The following ABCC12 variants were observed in gnomAD, a reference collection of about 807,000 sequenced individuals.
ABCC12 encodes the protein ATP binding cassette subfamily C member 12.
Under a neutral mutation model 151.1 loss-of-function variants are expected in ABCC12, and 142 were observed. The ratio of observed to expected loss-of-function variants is 0.94; its 90% CI spans 0.82 to 1.08. The LOEUF is 1.08. ABCC12 is among the 50% of genes least tolerant of loss of function. The probability of loss-of-function intolerance (pLI) is 0.00; values close to 1 mark genes in which losing one functional copy is unlikely to be tolerated. For missense variants in ABCC12, 1,638 were observed against 1,691.1 expected, an observed-to-expected ratio of 0.97 and a Z score of 0.55; for synonymous variants, 645 against 646.4, an observed-to-expected ratio of 1.00 and a Z score of 0.03.
chr16:48,087,193 A>G (rs117765722), intron 27 of ABCC12: 2,868 of 203,382 alleles, frequency 0.014, 29 homozygotes, highest in Non-Finnish European at 0.02. Context: ...GAGCAACCCA[A>G]ATCTGCCACT....
At chr16:48,150,012 A>C (rs780307069) in intron 2 of ABCC12, among the ~76,000 whole-genome samples, 15 of 152,246 alleles carry the variant, frequency 9.9e-5, no homozygotes, top group Admixed American at 7.2e-4. Context: ...CTAATTTTTA[A>C]AGCAATTTGG....
At chr16:48,122,661 G>A (rs1288164414) in intron 12 of ABCC12, among the ~76,000 whole-genome samples, 2 of 152,188 alleles carry the variant, frequency 1.3e-5, no homozygotes, top group Non-Finnish European at 2.9e-5. Context: ...GGCGGCCGAA[G>A]GATGTGATGC....
chr16:48,107,272 T>G, intron 20 of ABCC12, 50 bp downstream of exon 20: 1 of 1,558,934 alleles, frequency 6.4e-7, no homozygotes, highest in Non-Finnish European at 8.8e-7. Flanking sequence ...CAGCAGAGTT[T>G]TACTCCAAGA....
intron 15 of ABCC12, 127 bp downstream of exon 15, chr16:48,115,288 T>A: frequency 8.9e-7 from 1 of 1,129,736 alleles, no homozygotes; most frequent in South Asian, 1.5e-5. Flanking sequence ...GTCTCTTGCA[T>A]CCCTGGCTCC....
intron 18 of ABCC12, among the ~76,000 whole-genome samples, chr16:48,110,602 G>A (rs1442829578): frequency 6.6e-6 from 1 of 152,014 alleles, no homozygotes; most frequent in East Asian, 1.9e-4. Context: ...GCCCCCACCA[G>A]GCTCATCTTC....
At chr16:48,104,487 G>T in intron 21 of ABCC12, 119 bp from the exon 22 acceptor site, 2 of 823,054 alleles carry the variant, frequency 2.4e-6, no homozygotes, top group Non-Finnish European at 3.9e-6. Flanking sequence ...GCACAACACA[G>T]TGTGTCAGGT....
chr16:48,121,475 T>G (rs940309388), intron 13 of ABCC12: 1 of 453,372 alleles, frequency 2.2e-6, no homozygotes, highest in Non-Finnish European at 4.0e-6. Flanking sequence ...TCCTCTGCCC[T>G]GGGAATGAAG....
At chr16:48,138,832 G>A (rs905540571) in intron 7 of ABCC12, among the ~76,000 whole-genome samples, 2 of 151,950 alleles carry the variant, frequency 1.3e-5, no homozygotes, top group Admixed American at 1.3e-4. Flanking sequence ...GCCAGGTACA[G>A]TGGCATGCAC....
Position 48,091,180 on chromosome 16 carries a change from T to TCG in ABCC12, c.3223_3224dup (p.Thr1076GlufsTer53). 1 of 1,614,160 alleles carries TCG rather than the reference T, an allele frequency of 6.2e-7. No homozygotes were observed. The highest frequency in any genetic ancestry group is 2.2e-5 in the East Asian group (1 of 44,882). ...ATTTGGCTTGCGTCTCTGTTCCCGTTCGCACACACACTTGGAGCAGTCCGC... is the reference window on the plus strand; with the variant it reads ...ATTTGGCTTGCGTCTCTGTTCCCGTTCGCGCACACACACTTGGAGCAGTCCGC... On this transcript the variant is annotated frameshift_variant, in exon 25 of 31. Transcript: ENST00000311303. LOFTEE classifies it high-confidence loss of function.
chr16:48,150,715 T>C (rs1965106086), intron 2 of ABCC12, among the ~76,000 whole-genome samples: 1 of 152,198 alleles, frequency 6.6e-6, no homozygotes, highest in Non-Finnish European at 1.5e-5. Context: ...TATTAGGATG[T>C]TGTTGCTTCT....
rs373349607 is a variant in ABCC12 at position 48,139,344 on chromosome 16, G to T, written c.658-8C>A. ...TGACAGTATATTGAGCACCTGGAAA[G>T]AAAAGCGCAAAGGTTCAGGCTTTGG... On this transcript the variant is annotated splice_polypyrimidine_tract_variant and splice_region_variant and intron_variant, in intron 6 of 30. Transcript: ENST00000311303. 4.0e-5 allele frequency: 64 copies of T among 1,595,388 alleles called. No individual in the cohort carries two copies. The Middle Eastern group carries it at 5.1e-4, about 13-fold the overall frequency.
chr16:48,121,687 G>A (rs753148776), intron 13 of ABCC12, 29 bp downstream of exon 13: 1 of 1,613,342 alleles, frequency 6.2e-7, no homozygotes, highest in South Asian at 1.1e-5. Flanking sequence ...AAACACAAAT[G>A]TGCCTCCTGC....
At chr16:48,126,947 G>A (rs1392936167) in intron 11 of ABCC12, among the ~76,000 whole-genome samples, 1 of 152,148 alleles carries the variant, frequency 6.6e-6, no homozygotes, top group African/African-American at 2.4e-5. Flanking sequence ...AGTTCACGGA[G>A]GCCTCTTGGA....
intron 29 of ABCC12, among the ~76,000 whole-genome samples, chr16:48,084,456 A>G (rs73540845): frequency 0.044 from 6,671 of 152,304 alleles, 523 homozygotes; most frequent in African/African-American, 0.15. Flanking sequence ...CATACCAAAC[A>G]ATCACAAACT....
rs1964718933 is a variant in ABCC12 at position 48,139,218 on chromosome 16, A to G, written c.776T>C (p.Leu259Pro). 6.2e-7 allele frequency: 1 copy of G among 1,614,000 alleles called. No homozygotes were observed. The highest frequency in any genetic ancestry group is 1.1e-5 in the South Asian group (1 of 91,060). ...VFCAAYAFFI[L>P]GPTALIGISV... is the part of the protein sequence containing the mutation. ...TATCCCGATGAGAGCTGTGGGCCCC[A>G]GAATGAAAAAGGCGTACGCCGCACA... Residue 259 changes from leucine to proline, a missense_variant, in exon 7 of 31, where the codon CTG becomes CCG. Physicochemically the swap from Leu to Pro is moderately conservative, Grantham distance 98. Coordinates refer to ENST00000311303, the MANE Select transcript of ABCC12 (RefSeq NM_001393797.1).
At position 48,121,786 on chromosome 16, in the gene ABCC12, G is replaced by A. The variant is rs775868154; in HGVS notation, c.1642C>T (p.Gln548Ter). 2 of 1,614,184 alleles carry A rather than the reference G, an allele frequency of 1.2e-6. No individual in the cohort carries two copies. The highest frequency in any genetic ancestry group is 1.7e-6 in the Non-Finnish European group (2 of 1,180,026). Residue 548 changes from glutamine (Q) to a stop codon, truncating the protein, a stop_gained, in exon 13 of 31, where the codon CAG (glutamine) becomes TAG (stop). Coordinates refer to ENST00000311303, the MANE Select transcript of ABCC12 (RefSeq NM_001393797.1). LOFTEE classifies it high-confidence loss of function. ...TTTCCATGAAAGATCCATGCCTGCT[G>A]TGAAACGTAGGCCAAAGTTCCATTG... ...AVNGTLAYVS[Q>*]QAWIFHGNVR...
Position 48,083,469 on chromosome 16 carries a change from G to A in ABCC12, c.*246C>T, listed in dbSNP as rs1962434639. The A allele has an allele frequency of 4.3e-5, 20 of 468,634 alleles. No individual in the cohort carries two copies. The South Asian group carries it at 7.9e-4, about 19-fold the overall frequency. 29.0% of individuals were successfully genotyped at this position (468,634 alleles called of 1,614,324 possible). A position where few individuals can be genotyped will look rare whatever the true frequency, so the allele number is the denominator to read the frequency against. On this transcript the variant is annotated 3_prime_UTR_variant, in exon 31 of 31. Transcript: ENST00000311303. ...AACCCTTGGGGATTTGGGAGGTGAA[G>A]GGCAGTTTTTTAATCCATTAGCTGG... is the stretch of plus-strand genomic sequence containing the variant.
chr16:48,142,319 C>A (rs60438421), intron 4 of ABCC12, among the ~76,000 whole-genome samples: 4,912 of 152,258 alleles, frequency 0.032, 251 homozygotes, highest in African/African-American at 0.11. Context: ...CTGGAGATAG[C>A]CACGGACATG....
rs747647594 is a variant in ABCC12 at position 48,091,141 on chromosome 16, C to T, written c.3264G>A (p.Glu1088=). ...TTACCGAAATGTATTCCCTGAGCAG[C>T]TCCACGGAGGTGAATTTGGCTTGCG... The part of the protein sequence containing the change: ...TETQAKFTSV[E]LLREYISTCV... Residue 1088 remains glutamate, a synonymous_variant, in exon 25 of 31, where the codon GAG becomes GAA. Coordinates refer to ENST00000311303, the MANE Select transcript of ABCC12 (RefSeq NM_001393797.1). The T allele has an allele frequency of 1.9e-6, 3 of 1,614,244 alleles. No individual in the cohort carries two copies. The highest frequency in any genetic ancestry group is 2.5e-6 in the Non-Finnish European group (3 of 1,180,034).
Sources: allele counts gnomAD v4.1 joint callset (sites outside exome capture counted in the v4.1 genomes callset), GRCh38; gene constraint gnomAD v4.1.1; transcripts MANE v1.5; gene names NCBI Gene and HGNC (gene_info 2026-07-23, HGNC 2026-07-21).